The following NALCN variants were observed in gnomAD, a reference collection of about 807,000 sequenced individuals.
NALCN encodes the protein sodium leak channel NALCN.
NALCN carries 111 observed loss-of-function variants against 225.3 expected under a neutral mutation model. The ratio of observed to expected loss-of-function variants is 0.49; its 90% confidence interval spans 0.42 to 0.58. NALCN has a LOEUF of 0.58. Among genes scored for constraint, NALCN ranks in the 20% least tolerant of loss-of-function variants. The probability of loss-of-function intolerance (pLI) is 0.00; values close to 1 mark genes in which losing one functional copy is unlikely to be tolerated. For synonymous variants in NALCN, 764 were observed against 769.0 expected (o/e 0.99, Z 0.11); for missense variants, 1,378 against 2,202.4 (o/e 0.63, Z 7.49).
At chr13:101,205,268 C>T (rs1441445170) in intron 13 of NALCN, among the ~76,000 whole-genome samples, 2 of 151,920 alleles carry the variant, frequency 1.3e-5, no homozygotes, top group Non-Finnish European at 2.9e-5. Context: ...AATAGATATC[C>T]TCAGTATTTT....
intron 7 of NALCN, among the ~76,000 whole-genome samples, chr13:101,309,049 T>C (rs879367511): frequency 2.6e-5 from 4 of 152,322 alleles, no homozygotes; most frequent in East Asian, 3.9e-4. Flanking sequence ...ACTTTTTAAA[T>C]ATAGGGTTTT....
At chr13:101,227,307 C>T (rs2041181413) in intron 13 of NALCN, among the ~76,000 whole-genome samples, 1 of 152,152 alleles carries the variant, frequency 6.6e-6, no homozygotes, top group Non-Finnish European at 1.5e-5. Flanking sequence ...CTCTCATCAG[C>T]ACTTAAACAT....
At chr13:101,162,481 C>T (rs1342694413) in intron 15 of NALCN, among the ~76,000 whole-genome samples, 1 of 152,214 alleles carries the variant, frequency 6.6e-6, no homozygotes, top group South Asian at 2.1e-4. Context: ...ATGACTCCAG[C>T]TCCAGCATGT....
intron 14 of NALCN, among the ~76,000 whole-genome samples, chr13:101,188,031 A>C (rs1301726704): frequency 2.6e-5 from 4 of 152,180 alleles, no homozygotes; most frequent in Non-Finnish European, 5.9e-5. Flanking sequence ...CTAAGATCTA[A>C]GCATTCTACT....
chr13:101,255,585 T>C (rs1343406482), intron 11 of NALCN, among the ~76,000 whole-genome samples: 2 of 152,240 alleles, frequency 1.3e-5, no homozygotes, highest in Non-Finnish European at 2.9e-5. Context: ...TTTTGTTTCC[T>C]GGCATTTTTG....
chr13:101,154,344 A>C (rs2037799425), intron 15 of NALCN, among the ~76,000 whole-genome samples: 1 of 152,172 alleles, frequency 6.6e-6, no homozygotes, highest in Admixed American at 6.5e-5. Flanking sequence ...AACACTTTCA[A>C]GCAATTGGTA....
chr13:101,096,832 G>C (rs1471282341), intron 27 of NALCN, among the ~76,000 whole-genome samples: 2 of 152,156 alleles, frequency 1.3e-5, no homozygotes, highest in Admixed American at 6.6e-5. Flanking sequence ...CTTTGGCTAT[G>C]ATGGTCATAT....
At chr13:101,083,067 G>T (rs748713413) in intron 32 of NALCN, 25 bp downstream of exon 32, 2 of 1,605,514 alleles carry the variant, frequency 1.2e-6, no homozygotes. Context: ...ATTCATTCCC[G>T]GAGTCTTAGG....
intron 15 of NALCN, among the ~76,000 whole-genome samples, chr13:101,146,549 T>C (rs2037353119): frequency 6.6e-6 from 1 of 152,150 alleles, no homozygotes; most frequent in Non-Finnish European, 1.5e-5. Flanking sequence ...ATACAACTAG[T>C]AGAAAAATAC....
intron 10 of NALCN, among the ~76,000 whole-genome samples, chr13:101,272,922 A>G (rs1276243493): frequency 6.6e-6 from 1 of 152,164 alleles, no homozygotes; most frequent in Non-Finnish European, 1.5e-5. Flanking sequence ...TTAGCCTTCA[A>G]TGGAAATGTT....
intron 40 of NALCN, among the ~76,000 whole-genome samples, chr13:101,064,919 C>T (rs1169702640): frequency 1.3e-5 from 2 of 152,212 alleles, no homozygotes; most frequent in Non-Finnish European, 2.9e-5. Context: ...CATGAAATGT[C>T]TGGAAAATCT....
chr13:101,246,361 T>G (rs924925397), intron 11 of NALCN, among the ~76,000 whole-genome samples: 1 of 152,160 alleles, frequency 6.6e-6, no homozygotes, highest in African/African-American at 2.4e-5. Context: ...AAAAAATGCA[T>G]ATTTATCACA....
chr13:101,372,588 T>TAC (rs2046570486), intron 6 of NALCN, among the ~76,000 whole-genome samples: 1 of 152,050 alleles, frequency 6.6e-6, no homozygotes, highest in Admixed American at 6.6e-5. Context: ...CTAAATAACC[T>TAC]ACAGGTCAAA....
chr13:101,229,315 T>A, intron 13 of NALCN, 78 bp downstream of exon 13: 1 of 1,267,632 alleles, frequency 7.9e-7, no homozygotes. Context: ...ATGACTAAAG[T>A]GAAATTACTT....
At chr13:101,108,348 G>T (rs1242634449) in intron 20 of NALCN, among the ~76,000 whole-genome samples, 2 of 152,080 alleles carry the variant, frequency 1.3e-5, no homozygotes, top group Non-Finnish European at 2.9e-5. Flanking sequence ...GCAGGATATG[G>T]CAAGTGGAAA....
At chr13:101,406,100 A>G (rs1277073599) in intron 1 of NALCN, among the ~76,000 whole-genome samples, 1 of 150,392 alleles carries the variant, frequency 6.6e-6, no homozygotes, top group Non-Finnish European at 1.5e-5. Flanking sequence ...GGATCGCTTG[A>G]GTCCAGGAGT....
chr13:101,371,128 A>G (rs1298565970), intron 6 of NALCN, among the ~76,000 whole-genome samples: 1 of 152,232 alleles, frequency 6.6e-6, no homozygotes, highest in Non-Finnish European at 1.5e-5. Context: ...TTATATGGAT[A>G]TACCATCATT....
chr13:101,414,148 G>A (rs1350054711), intron 1 of NALCN, among the ~76,000 whole-genome samples: 1 of 151,808 alleles, frequency 6.6e-6, no homozygotes, highest in Non-Finnish European at 1.5e-5. Context: ...GCCTCCCAAA[G>A]TGCTGGGATT....
chr13:101,400,778 C>T (rs558078774), intron 1 of NALCN, among the ~76,000 whole-genome samples: 9 of 152,082 alleles, frequency 5.9e-5, no homozygotes, highest in Non-Finnish European at 1.2e-4. Flanking sequence ...TCCCACCCCC[C>T]AAAATTTCAT....
Sources: allele counts gnomAD v4.1 joint callset (sites outside exome capture counted in the v4.1 genomes callset), GRCh38; gene constraint gnomAD v4.1.1; transcripts MANE v1.5; gene names NCBI Gene and HGNC (gene_info 2026-07-23, HGNC 2026-07-21).